Variants in PPP1R12A observed in about 807,000 individuals in gnomAD.
PPP1R12A encodes myosin binding subunit.
PPP1R12A carries 19 observed loss-of-function variants against 139.6 expected under a neutral mutation model. That is an observed-to-expected ratio of 0.14 (90% confidence interval 0.09 to 0.20). PPP1R12A has a LOEUF of 0.20. Ranked by LOEUF, PPP1R12A falls within the 10% of genes least tolerant of loss-of-function variation. The pLI is 1.00. For missense variants in PPP1R12A, 925 were observed against 1,211.5 expected, an observed-to-expected ratio of 0.76 and a Z score of 3.51; for synonymous variants, 427 against 420.6, an observed-to-expected ratio of 1.02 and a Z score of -0.19.
At chr12:79,836,025 G>C (rs894260986) in intron 3 of PPP1R12A, among the ~76,000 whole-genome samples, 9 of 152,128 alleles carry the variant, frequency 5.9e-5, no homozygotes, top group African/African-American at 2.2e-4. Context: ...GATTACACAT[G>C]TATAGAAAAA....
At chr12:79,865,649 A>C (rs1319855004) in intron 2 of PPP1R12A, among the ~76,000 whole-genome samples, 1 of 152,216 alleles carries the variant, frequency 6.6e-6, no homozygotes, top group Non-Finnish European at 1.5e-5. Flanking sequence ...ATGTACAAAA[A>C]TCACAAGCAT....
intron 24 of PPP1R12A, among the ~76,000 whole-genome samples, chr12:79,777,877 A>T (rs1169755672): frequency 2.0e-5 from 3 of 152,174 alleles, no homozygotes; most frequent in Non-Finnish European, 4.4e-5. Context: ...CCATTCAATA[A>T]TGGTCTAATA....
chr12:79,842,575 T>TTC (rs1878863268), intron 3 of PPP1R12A, among the ~76,000 whole-genome samples: 3 of 143,836 alleles, frequency 2.1e-5, no homozygotes, highest in Admixed American at 7.0e-5. Context: ...ATGTGGCACT[T>TTC]TGTGTGTGTG....
Position 79,775,913 on chromosome 12 carries a change from G to C in PPP1R12A, c.*16C>G. On this transcript the variant is annotated 3_prime_UTR_variant, in exon 25 of 25. Coordinates refer to ENST00000450142, the MANE Select transcript of PPP1R12A (RefSeq NM_002480.3). The stretch of plus-strand genomic sequence containing the variant: ...ACTAATATGTGCAATTCCATTACTT[G>C]CTGCTTTTTTTTTTTTTATTTGGAA... The C allele has an allele frequency of 3.4e-6, 5 of 1,467,620 alleles. No individual in the cohort carries two copies. Among genetic ancestry groups the C allele is most frequent in the Non-Finnish European group, 4.6e-6 (5 of 1,075,442 alleles). The allele number at this position is 1,467,620 out of a possible 1,614,324, so 90.9% of individuals were successfully genotyped here. A position where few individuals can be genotyped will look rare whatever the true frequency, so the allele number is the denominator to read the frequency against.
At chr12:79,865,458 G>A (rs1274852211) in intron 2 of PPP1R12A, among the ~76,000 whole-genome samples, 3 of 152,178 alleles carry the variant, frequency 2.0e-5, no homozygotes, top group African/African-American at 7.2e-5. Context: ...AGTATTGGAA[G>A]TTCTGGCCAG....
intron 3 of PPP1R12A, among the ~76,000 whole-genome samples, chr12:79,838,058 T>A (rs1226782016): frequency 2.0e-5 from 3 of 152,218 alleles, no homozygotes. Context: ...CAGGAAGATG[T>A]AGGAAAGTTT....
At chr12:79,919,041 G>C (rs1033625791) in intron 1 of PPP1R12A, among the ~76,000 whole-genome samples, 105 of 151,888 alleles carry the variant, frequency 6.9e-4, no homozygotes, top group African/African-American at 2.3e-3. Context: ...ACTTGAACCG[G>C]GGAGGCAGAG....
intron 24 of PPP1R12A, chr12:79,777,532 A>C (rs1565732788): frequency 1.0e-6 from 1 of 985,206 alleles, no homozygotes; most frequent in African/African-American, 1.7e-5. Flanking sequence ...AGGTTCACAG[A>C]CTGCAGTTGC....
At position 79,801,345 on chromosome 12, in the gene PPP1R12A, CAA is replaced by C. The variant is rs201977462; in HGVS notation, c.2001-2763_2001-2762del. 1.2e-3 allele frequency among the ~76,000 whole-genome samples: 25 copies of C among 20,176 alleles called. 1 individual carries two copies. The highest frequency in any genetic ancestry group is 2.7e-3 in the African/African-American group (21 of 7,756). The allele number at this position is 20,176 out of a possible 152,430, so 13.2% of individuals were successfully genotyped here. A position where few individuals can be genotyped will look rare whatever the true frequency, so the allele number is the denominator to read the frequency against. On this transcript the variant is annotated intron_variant, in intron 14 of 24. Transcript: ENST00000450142. ...GGGCAACTAGAGCAAAACTCTGTCT[CAA>C]AAAAAAAAAAAAAAAAAAAAAAAAA... is the stretch of plus-strand genomic sequence containing the variant.
chr12:79,842,575 TTG>T (rs148792533), intron 3 of PPP1R12A, among the ~76,000 whole-genome samples: 11,706 of 143,494 alleles, frequency 0.082, 663 homozygotes, highest in East Asian at 0.31. Context: ...ATGTGGCACT[TTG>T]TGTGTGTGTG....
At chr12:79,910,278 G>C (rs989337450) in intron 1 of PPP1R12A, among the ~76,000 whole-genome samples, 1 of 151,776 alleles carries the variant, frequency 6.6e-6, no homozygotes, top group South Asian at 2.1e-4. Context: ...TCAGGACTTC[G>C]AAACCAGCCT....
chr12:79,935,280 C>G (rs1411769846), upstream of PPP1R12A: 1 of 1,075,324 alleles, frequency 9.3e-7, no homozygotes, highest in South Asian at 3.8e-5. Flanking sequence ...AGCGCTCCCG[C>G]GAACTGCGGC....
intron 1 of PPP1R12A, among the ~76,000 whole-genome samples, chr12:79,909,474 C>A (rs879087558): frequency 2.0e-5 from 3 of 152,022 alleles, no homozygotes; most frequent in Admixed American, 1.3e-4. Context: ...TGGTGGCTCA[C>A]GTCTGTAATC....
chr12:79,775,759 C>A lies in PPP1R12A; in HGVS notation c.*170G>T, dbSNP rs753404649. ...AAACAAACCAACAACAACAAAAACACCCCAGAAAATTAAACAAAATGAAAC... is the reference window on the plus strand; with the variant it reads ...AAACAAACCAACAACAACAAAAACAACCCAGAAAATTAAACAAAATGAAAC... On this transcript the variant is annotated 3_prime_UTR_variant, in exon 25 of 25. Transcript: ENST00000450142. 21 of 424,376 alleles carry A rather than the reference C, an allele frequency of 4.9e-5. No individual in the cohort carries two copies. In the Middle Eastern group the frequency reaches 1.3e-3, roughly 26 times the overall value. 26.3% of individuals were successfully genotyped at this position (424,376 alleles called of 1,614,324 possible).
intron 10 of PPP1R12A, among the ~76,000 whole-genome samples, 166 bp from the exon 11 acceptor site, chr12:79,808,743 A>G (rs1379753391): frequency 3.3e-5 from 5 of 152,168 alleles, no homozygotes; most frequent in Non-Finnish European, 7.4e-5. Flanking sequence ...GTCAATCAAT[A>G]ATCAGCCTGT....
chr12:79,933,978 C>G (rs906695457), intron 1 of PPP1R12A, among the ~76,000 whole-genome samples: 3 of 151,284 alleles, frequency 2.0e-5, no homozygotes, highest in Admixed American at 6.6e-5. Context: ...GACACTGCGG[C>G]AAACTTCGAG....
At chr12:79,887,384 A>G (rs780874003) in intron 1 of PPP1R12A, among the ~76,000 whole-genome samples, 77 of 152,258 alleles carry the variant, frequency 5.1e-4, no homozygotes, top group Admixed American at 8.5e-4. Flanking sequence ...TGCTATTTCA[A>G]TAAATTTTTG....
intron 1 of PPP1R12A, among the ~76,000 whole-genome samples, chr12:79,931,238 G>C (rs1378855441): frequency 1.3e-5 from 2 of 152,098 alleles, no homozygotes; most frequent in Non-Finnish European, 2.9e-5. Flanking sequence ...AAATCACAAA[G>C]GTTAACGTGA....
chr12:79,925,712 G>A (rs868818021), intron 1 of PPP1R12A, among the ~76,000 whole-genome samples: 44 of 152,134 alleles, frequency 2.9e-4, no homozygotes, highest in Middle Eastern at 3.2e-3. Flanking sequence ...AGCACACTTA[G>A]GGCAGTAACA....
Sources: gnomAD v4.1 joint callset for allele counts (sites outside exome capture counted in the v4.1 genomes callset) on GRCh38, gnomAD v4.1.1 for gene constraint, MANE v1.5 for transcripts, NCBI Gene and HGNC (gene_info 2026-07-23, HGNC 2026-07-21) for gene names.